Variants in FSTL4 observed in about 807,000 individuals in gnomAD.
The protein encoded by FSTL4 is follistatin like 4.
FSTL4 carries 28 observed loss-of-function variants against 78.2 expected under a neutral mutation model. That is an observed-to-expected ratio of 0.36 (90% confidence interval 0.27 to 0.49). The LOEUF is 0.49. FSTL4 is among the 20% of genes least tolerant of loss of function. The probability of loss-of-function intolerance (pLI) is 0.98; values close to 1 mark genes in which losing one functional copy is unlikely to be tolerated. For missense variants in FSTL4, 922 were observed against 1,084.9 expected, an observed-to-expected ratio of 0.85 and a Z score of 2.11; for synonymous variants, 422 against 440.5, an observed-to-expected ratio of 0.96 and a Z score of 0.53.
chr5:133,302,157 C>T (rs557514714), intron 6 of FSTL4, among the ~76,000 whole-genome samples: 2 of 152,184 alleles, frequency 1.3e-5, no homozygotes, highest in African/African-American at 2.4e-5. Context: ...AACCTGGGAC[C>T]TCCAGAACCC....
intron 3 of FSTL4, among the ~76,000 whole-genome samples, chr5:133,416,368 G>A (rs1756581694): frequency 6.6e-6 from 1 of 152,168 alleles, no homozygotes; most frequent in African/African-American, 2.4e-5. Context: ...ATTTTAACTT[G>A]TAAATATAGA....
chr5:133,351,708 A>G (rs1418203915), intron 4 of FSTL4, among the ~76,000 whole-genome samples: 1 of 152,108 alleles, frequency 6.6e-6, no homozygotes, highest in East Asian at 1.9e-4. Flanking sequence ...CCTGGGTTCA[A>G]GCAATTCTCC....
the FSTL4 span, among the ~76,000 whole-genome samples, chr5:133,835,588 T>G: frequency 6.6e-6 from 1 of 152,212 alleles, no homozygotes; most frequent in Non-Finnish European, 1.5e-5. Context: ...TAATCTCTAC[T>G]TATATATACT....
intron 3 of FSTL4, among the ~76,000 whole-genome samples, chr5:133,458,749 T>C (rs1268371480): frequency 6.6e-6 from 1 of 152,224 alleles, no homozygotes; most frequent in Non-Finnish European, 1.5e-5. Context: ...CTGTTGTCTG[T>C]GGGAGTATTA....
At chr5:133,403,833 G>T (rs900474819) in intron 3 of FSTL4, among the ~76,000 whole-genome samples, 11 of 152,302 alleles carry the variant, frequency 7.2e-5, no homozygotes, top group Admixed American at 5.9e-4. Context: ...GGGCTGGGGG[G>T]AGAAGCTACT....
At chr5:133,672,284 G>A in the FSTL4 span, among the ~76,000 whole-genome samples, 90 of 152,348 alleles carry the variant, frequency 5.9e-4, no homozygotes, top group African/African-American at 1.9e-3. Context: ...CAGTGGTGCC[G>A]TAGATAGTGA....
chr5:133,662,486 A>G, the FSTL4 span, among the ~76,000 whole-genome samples: 1 of 152,138 alleles, frequency 6.6e-6, no homozygotes, highest in Admixed American at 6.5e-5. Context: ...GAAGGCATAC[A>G]CCGTGGAGGG....
chr5:133,394,948 T>C (rs1173060330), intron 4 of FSTL4, among the ~76,000 whole-genome samples: 1 of 152,158 alleles, frequency 6.6e-6, no homozygotes, highest in Non-Finnish European at 1.5e-5. Context: ...AGTTTGTAAA[T>C]GCACCAATCA....
the FSTL4 span, among the ~76,000 whole-genome samples, chr5:133,629,317 A>T: frequency 6.6e-6 from 1 of 152,096 alleles, no homozygotes; most frequent in African/African-American, 2.4e-5. Flanking sequence ...TGGGGATATC[A>T]CCACTATTCC....
intron 3 of FSTL4, among the ~76,000 whole-genome samples, chr5:133,503,110 G>T (rs557004593): frequency 6.6e-6 from 1 of 152,310 alleles, no homozygotes; most frequent in South Asian, 2.1e-4. Flanking sequence ...TCGCTCATTA[G>T]CAGAAAGGGC....
intron 3 of FSTL4, among the ~76,000 whole-genome samples, chr5:133,544,826 G>A (rs987260635): frequency 6.6e-6 from 1 of 152,202 alleles, no homozygotes; most frequent in Non-Finnish European, 1.5e-5. Flanking sequence ...TCAGGGGCCT[G>A]GAAATATTTG....
chr5:133,797,263 A>C, the FSTL4 span, among the ~76,000 whole-genome samples: 2 of 152,230 alleles, frequency 1.3e-5, no homozygotes, highest in African/African-American at 4.8e-5. Flanking sequence ...GTCTTGAAGC[A>C]GGGGCTTCCA....
At chr5:133,453,900 A>T (rs1757431996) in intron 3 of FSTL4, among the ~76,000 whole-genome samples, 1 of 152,258 alleles carries the variant, frequency 6.6e-6, no homozygotes, top group African/African-American at 2.4e-5. Flanking sequence ...TTTCCTAAGA[A>T]GTGGAAACAA....
At chr5:133,386,185 C>T (rs1384227714) in intron 4 of FSTL4, among the ~76,000 whole-genome samples, 1 of 152,220 alleles carries the variant, frequency 6.6e-6, no homozygotes, top group African/African-American at 2.4e-5. Context: ...TTGGACCTGG[C>T]ATGTCACATG....
chr5:133,472,617 T>C (rs1022676436), intron 3 of FSTL4, among the ~76,000 whole-genome samples: 3 of 152,266 alleles, frequency 2.0e-5, no homozygotes, highest in Non-Finnish European at 4.4e-5. Context: ...AGAGTTGGTA[T>C]GCTGGATGCA....
the FSTL4 span, among the ~76,000 whole-genome samples, chr5:133,688,338 A>G: frequency 6.6e-6 from 1 of 152,030 alleles, no homozygotes; most frequent in African/African-American, 2.4e-5. Context: ...GCTTGAACCC[A>G]GGAAGCGGAG....
intron 4 of FSTL4, among the ~76,000 whole-genome samples, chr5:133,324,175 C>A (rs960053044): frequency 2.6e-5 from 4 of 152,188 alleles, no homozygotes; most frequent in African/African-American, 9.7e-5. Context: ...AGACTGTGCT[C>A]AAAGGGACCA....
the FSTL4 span, among the ~76,000 whole-genome samples, chr5:133,644,306 T>C: frequency 6.6e-6 from 1 of 152,156 alleles, no homozygotes; most frequent in Non-Finnish European, 1.5e-5. Flanking sequence ...AAAGTCTTTT[T>C]TGTGTGTGTT....
At chr5:133,262,131 C>G (rs1043695067) in intron 6 of FSTL4, among the ~76,000 whole-genome samples, 3 of 152,236 alleles carry the variant, frequency 2.0e-5, no homozygotes, top group Non-Finnish European at 2.9e-5. Flanking sequence ...CTACCTGCCA[C>G]TAGGCTTTTC....
Sources: gnomAD v4.1 joint callset for allele counts (sites outside exome capture counted in the v4.1 genomes callset) on GRCh38, gnomAD v4.1.1 for gene constraint, MANE v1.5 for transcripts, NCBI Gene and HGNC (gene_info 2026-07-23, HGNC 2026-07-21) for gene names.